The following ANO4 variants were observed in gnomAD, a reference collection of about 807,000 sequenced individuals.
ANO4 encodes anoctamin-4.
Under a neutral mutation model 141.9 loss-of-function variants are expected in ANO4, and 69 were observed. The observed-to-expected ratio is 0.49, with a 90% CI of 0.40 to 0.59. ANO4 has a LOEUF of 0.59. Among genes scored for constraint, ANO4 ranks in the 20% least tolerant of loss-of-function variants. The probability of loss-of-function intolerance (pLI) is 0.00; values close to 1 mark genes in which losing one functional copy is unlikely to be tolerated. For missense variants in ANO4, 894 were observed against 1,162.2 expected, an observed-to-expected ratio of 0.77 and a Z score of 3.36; for synonymous variants, 350 against 394.3, an observed-to-expected ratio of 0.89 and a Z score of 1.33.
intron 2 of ANO4, among the ~76,000 whole-genome samples, chr12:100,902,954 T>C (rs1173748175): frequency 2.0e-5 from 3 of 152,186 alleles, no homozygotes; most frequent in African/African-American, 7.2e-5. Flanking sequence ...CACTGCTAGC[T>C]GTTTACCTTC....
At chr12:100,720,116 T>C (rs971455775) in intron 1 of ANO4, among the ~76,000 whole-genome samples, 1 of 152,134 alleles carries the variant, frequency 6.6e-6, no homozygotes. Flanking sequence ...GAGACAAGTA[T>C]TTTTTAGAGA....
intron 8 of ANO4, among the ~76,000 whole-genome samples, chr12:101,017,334 C>G (rs1025208049): frequency 1.7e-4 from 26 of 152,286 alleles, no homozygotes; most frequent in Non-Finnish European, 3.1e-4. Flanking sequence ...AACTCACCCC[C>G]ATGATTCGAT....
chr12:101,083,938 C>T, intron 16 of ANO4, 120 bp downstream of exon 16: 1 of 942,092 alleles, frequency 1.1e-6, no homozygotes, highest in South Asian at 2.0e-5. Flanking sequence ...TTATTTATTC[C>T]TCACAGTAAC....
Position 101,086,646 on chromosome 12 carries a change from T to C in ANO4, c.1537-14T>C. ...CCACCAAGAGGTTCACCGGGTGTCT[T>C]GTCTTCCTGCCAGATCTGCGTGGTG... On this transcript the variant is annotated splice_polypyrimidine_tract_variant and intron_variant, in intron 16 of 27. Transcript: ENST00000392977. 2 of 1,612,966 alleles carry C rather than the reference T, an allele frequency of 1.2e-6. No individual in the cohort carries two copies. Among genetic ancestry groups the C allele is most frequent in the East Asian group, 2.2e-5 (1 of 44,880 alleles).
At chr12:100,971,611 T>C (rs764004436) in intron 6 of ANO4, among the ~76,000 whole-genome samples, 17 of 152,220 alleles carry the variant, frequency 1.1e-4, no homozygotes, top group Non-Finnish European at 2.4e-4. Flanking sequence ...CTAATTTAGT[T>C]CTTAGCAGGT....
At chr12:101,035,955 T>C (rs544465495) in intron 9 of ANO4, among the ~76,000 whole-genome samples, 1 of 152,124 alleles carries the variant, frequency 6.6e-6, no homozygotes, top group South Asian at 2.1e-4. Flanking sequence ...CAACACACAA[T>C]TTACCCATGT....
chr12:101,048,303 T>C, intron 13 of ANO4, 38 bp from the exon 14 acceptor site: 10 of 1,596,984 alleles, frequency 6.3e-6, no homozygotes, highest in Non-Finnish European at 8.6e-6. Context: ...ATATCATATA[T>C]GAGAAATTAA....
chr12:100,862,241 T>C (rs762764334), intron 1 of ANO4, among the ~76,000 whole-genome samples: 1 of 152,088 alleles, frequency 6.6e-6, no homozygotes, highest in Non-Finnish European at 1.5e-5. Context: ...AATTTTTAAA[T>C]AAATAGAAGG....
chr12:100,947,323 A>G (rs1296616899), intron 5 of ANO4, among the ~76,000 whole-genome samples: 1 of 152,118 alleles, frequency 6.6e-6, no homozygotes, highest in Non-Finnish European at 1.5e-5. Flanking sequence ...AATGACCACA[A>G]GTATCTCCCA....
At chr12:100,901,954 A>C in intron 2 of ANO4, 114 bp downstream of exon 2, 2 of 1,058,778 alleles carry the variant, frequency 1.9e-6, no homozygotes, top group Non-Finnish European at 2.7e-6. Flanking sequence ...TGCTTTTGTT[A>C]GGAGTCTTGT....
intron 7 of ANO4, among the ~76,000 whole-genome samples, chr12:100,975,594 C>T (rs1372941172): frequency 6.6e-6 from 1 of 151,784 alleles, no homozygotes; most frequent in Admixed American, 6.6e-5. Context: ...GCATCTACCA[C>T]CACGCCCAGC....
chr12:100,823,489 C>T (rs1565907847), intron 1 of ANO4, among the ~76,000 whole-genome samples: 2 of 151,910 alleles, frequency 1.3e-5, no homozygotes, highest in Admixed American at 1.3e-4. Context: ...TTTTTGCATA[C>T]AAGCGAGTTG....
intron 2 of ANO4, among the ~76,000 whole-genome samples, chr12:100,737,633 T>C (rs1393177426): frequency 6.6e-6 from 1 of 152,222 alleles, no homozygotes; most frequent in Non-Finnish European, 1.5e-5. Flanking sequence ...GGAATGATTC[T>C]GCATAGGCAA....
intron 1 of ANO4, among the ~76,000 whole-genome samples, chr12:100,724,944 C>A (rs1044526082): frequency 1.3e-5 from 2 of 152,152 alleles, no homozygotes; most frequent in African/African-American, 4.8e-5. Flanking sequence ...TTCTTTAGAA[C>A]CTTTTATAAA....
intron 1 of ANO4, among the ~76,000 whole-genome samples, chr12:100,878,703 T>C (rs189250247): frequency 1.3e-5 from 2 of 152,344 alleles, no homozygotes; most frequent in South Asian, 2.1e-4. Context: ...TAAGGCGTGC[T>C]GTTTTCTGGC....
At chr12:100,737,260 T>A (rs1379322120) in intron 2 of ANO4, among the ~76,000 whole-genome samples, 2 of 152,138 alleles carry the variant, frequency 1.3e-5, no homozygotes, top group African/African-American at 4.8e-5. Flanking sequence ...CTCTCTCAAT[T>A]TATCTTCATG....
At chr12:100,744,770 C>T (rs577726764) in intron 3 of ANO4, among the ~76,000 whole-genome samples, 1 of 152,308 alleles carries the variant, frequency 6.6e-6, no homozygotes, top group Admixed American at 6.5e-5. Flanking sequence ...GTCTCCATCC[C>T]TACTGACATT....
At chr12:101,079,649 T>C (rs1374448514) in intron 15 of ANO4, among the ~76,000 whole-genome samples, 1 of 152,138 alleles carries the variant, frequency 6.6e-6, no homozygotes, top group African/African-American at 2.4e-5. Flanking sequence ...TCCAAGAGAA[T>C]TACCCAAAGG....
intron 1 of ANO4, among the ~76,000 whole-genome samples, chr12:100,822,883 A>G (rs1001677170): frequency 1.1e-4 from 17 of 151,910 alleles, no homozygotes; most frequent in Non-Finnish European, 2.9e-5. Context: ...AAAATTTGAT[A>G]TATTTCCATT....
Sources: allele counts gnomAD v4.1 joint callset (sites outside exome capture counted in the v4.1 genomes callset), GRCh38; gene constraint gnomAD v4.1.1; transcripts MANE v1.5; gene names NCBI Gene and HGNC (gene_info 2026-07-23, HGNC 2026-07-21).